MGAT4C: variants seen among roughly 807,000 people sequenced by gnomAD.
The protein encoded by MGAT4C is MGAT4 family member C, also known as alpha-1,3-mannosyl-glycoprotein 4-beta-N-acetylglucosaminyltransferase C.
A neutral mutation model predicts 40.1 loss-of-function variants in MGAT4C; 19 were observed. That is an observed-to-expected ratio of 0.47 (90% CI 0.33 to 0.70). The LOEUF is 0.70. Ranked by LOEUF, MGAT4C falls within the 30% of genes least tolerant of loss-of-function variation. MGAT4C has a pLI of 0.02. For synonymous variants in MGAT4C, 181 were observed against 187.1 expected (o/e 0.97, Z 0.27); for missense variants, 491 against 563.2 (o/e 0.87, Z 1.30).
intron 1 of MGAT4C, among the ~76,000 whole-genome samples, chr12:86,831,119 C>A (rs748094932): frequency 1.8e-4 from 27 of 151,746 alleles, no homozygotes; most frequent in Non-Finnish European, 2.5e-4. Context: ...GAAGAGTATA[C>A]CTTTTTTCAA....
chr12:86,086,779 C>T (rs185607052), intron 1 of MGAT4C, among the ~76,000 whole-genome samples: 55 of 152,006 alleles, frequency 3.6e-4, no homozygotes, highest in African/African-American at 1.2e-3. Context: ...TCTATCTAGA[C>T]GTATTTTTGT....
chr12:86,239,719 T>G (rs1247160992), intron 1 of MGAT4C, among the ~76,000 whole-genome samples: 1 of 152,054 alleles, frequency 6.6e-6, no homozygotes, highest in African/African-American at 2.4e-5. Context: ...AAAGGTTTTA[T>G]AATTCTTTTT....
chr12:86,239,425 T>G (rs1297151107), intron 1 of MGAT4C, among the ~76,000 whole-genome samples: 1 of 152,100 alleles, frequency 6.6e-6, no homozygotes, highest in Non-Finnish European at 1.5e-5. Context: ...TCTCTCTCTG[T>G]CTACTTCAGC....
chr12:86,387,936 A>G (rs1205885090), intron 3 of MGAT4C, among the ~76,000 whole-genome samples: 1 of 152,196 alleles, frequency 6.6e-6, no homozygotes, highest in African/African-American at 2.4e-5. Flanking sequence ...ATGAAGCAGG[A>G]ACATGAGCTA....
At chr12:86,776,995 T>G (rs898670291) in intron 1 of MGAT4C, among the ~76,000 whole-genome samples, 2 of 152,176 alleles carry the variant, frequency 1.3e-5, no homozygotes, top group African/African-American at 4.8e-5. Flanking sequence ...TTGTACCTAG[T>G]AGCTATCTAG....
At chr12:86,280,773 T>C (rs4842601) in intron 4 of MGAT4C, among the ~76,000 whole-genome samples, 100,542 of 151,402 alleles carry the variant, frequency 0.66, 33,945 homozygotes, top group South Asian at 0.78. Context: ...TCTTTTACTA[T>C]GAATTTCACT....
At chr12:86,402,168 G>T (rs990830989) in intron 3 of MGAT4C, among the ~76,000 whole-genome samples, 1 of 151,906 alleles carries the variant, frequency 6.6e-6, no homozygotes, top group African/African-American at 2.4e-5. Context: ...AAATAGGCCG[G>T]GCACAGTGGC....
intron 4 of MGAT4C, among the ~76,000 whole-genome samples, chr12:86,269,116 T>A (rs947100116): frequency 2.7e-5 from 4 of 147,742 alleles, no homozygotes; most frequent in African/African-American, 9.9e-5. Context: ...CATGACATTT[T>A]ATTTAATTGT....
intron 1 of MGAT4C, among the ~76,000 whole-genome samples, chr12:86,245,810 TACA>T (rs1451247904): frequency 1.3e-5 from 2 of 152,174 alleles, no homozygotes; most frequent in African/African-American, 2.4e-5. Context: ...TGCCCTCTTC[TACA>T]ACAAGAACAA....
intron 1 of MGAT4C, among the ~76,000 whole-genome samples, chr12:86,730,129 A>C (rs2136119064): frequency 6.6e-6 from 1 of 152,028 alleles, no homozygotes; most frequent in Admixed American, 6.5e-5. Flanking sequence ...TTTTCATTAA[A>C]GAAGAACCAA....
chr12:86,676,367 C>T (rs956313792), intron 2 of MGAT4C, among the ~76,000 whole-genome samples: 15 of 152,122 alleles, frequency 9.9e-5, no homozygotes, highest in African/African-American at 3.1e-4. Context: ...CAGGGGGAAA[C>T]CTTCTTTATT....
chr12:85,973,956 C>T lies in MGAT4C; in HGVS notation c.*5333G>A, dbSNP rs892676847. On this transcript the variant is annotated 3_prime_UTR_variant, in exon 5 of 5. Transcript: ENST00000611864. ...TTGGGATTATTGAAGCAAATTCTAC[C>T]CTGGACTTGGAGTAAATGTGATGAA... 2 of 150,700 alleles carry T rather than the reference C, an allele frequency of 1.3e-5. No homozygotes were observed. Among genetic ancestry groups the T allele is most frequent in the African/African-American group, 4.8e-5 (2 of 41,254 alleles). 9.3% of individuals were successfully genotyped at this position (150,700 alleles called of 1,614,324 possible). A position where few individuals can be genotyped will look rare whatever the true frequency, so the allele number is the denominator to read the frequency against.
chr12:86,626,692 A>T (rs889405081), intron 2 of MGAT4C, among the ~76,000 whole-genome samples: 1 of 152,242 alleles, frequency 6.6e-6, no homozygotes, highest in Non-Finnish European at 1.5e-5. Flanking sequence ...AGTACTTGAG[A>T]CACATTACTA....
intron 2 of MGAT4C, among the ~76,000 whole-genome samples, chr12:86,503,787 C>CATATATATATATATATAT (rs10679798): frequency 1.3e-4 from 2 of 15,744 alleles, no homozygotes; most frequent in Non-Finnish European, 2.4e-4. Flanking sequence ...GAGTTCTGCT[C>CATATATATATATATATAT]ATATATATAT....
chr12:86,415,465 T>C (rs1032555668), intron 3 of MGAT4C, among the ~76,000 whole-genome samples: 4 of 151,996 alleles, frequency 2.6e-5, no homozygotes, highest in Admixed American at 1.3e-4. Context: ...AGGAGTATCA[T>C]GGATATATGA....
At chr12:86,637,281 C>T (rs553301822) in intron 2 of MGAT4C, among the ~76,000 whole-genome samples, 1 of 152,014 alleles carries the variant, frequency 6.6e-6, no homozygotes, top group East Asian at 1.9e-4. Context: ...CTATAAGCTA[C>T]ATTTTCATTT....
chr12:86,367,763 G>T (rs1955629643), intron 3 of MGAT4C, among the ~76,000 whole-genome samples: 1 of 152,132 alleles, frequency 6.6e-6, no homozygotes, highest in Non-Finnish European at 1.5e-5. Flanking sequence ...TTGCGCCACT[G>T]CACTCCAGCC....
intron 3 of MGAT4C, among the ~76,000 whole-genome samples, chr12:86,416,532 C>G (rs1956719486): frequency 6.6e-6 from 1 of 151,980 alleles, no homozygotes; most frequent in Admixed American, 6.6e-5. Flanking sequence ...TTATTAGTTT[C>G]AAAAATGTTT....
At chr12:86,593,557 G>T (rs560888619) in intron 2 of MGAT4C, among the ~76,000 whole-genome samples, 1 of 152,032 alleles carries the variant, frequency 6.6e-6, no homozygotes, top group African/African-American at 2.4e-5. Flanking sequence ...CATAAATTTT[G>T]GTATGATGTG....
Sources: gnomAD v4.1 joint callset for allele counts (sites outside exome capture counted in the v4.1 genomes callset) on GRCh38, gnomAD v4.1.1 for gene constraint, MANE v1.5 for transcripts, NCBI Gene and HGNC (gene_info 2026-07-23, HGNC 2026-07-21) for gene names.